The following MAML3 variants were observed in gnomAD, a reference collection of about 807,000 sequenced individuals.
MAML3 encodes the protein mastermind like transcriptional coactivator 3.
Under a neutral mutation model 101.9 loss-of-function variants are expected in MAML3, and 27 were observed. The observed-to-expected ratio is 0.27, with a 90% CI of 0.20 to 0.37. MAML3 has a LOEUF of 0.37. Ranked by LOEUF, MAML3 falls within the 10% of genes least tolerant of loss-of-function variation. MAML3 has a pLI of 1.00. For synonymous variants in MAML3, 501 were observed against 555.9 expected, an observed-to-expected ratio of 0.90 and a Z score of 1.39; for missense variants, 1,316 against 1,444.9, an observed-to-expected ratio of 0.91 and a Z score of 1.45.
At chr4:140,095,870 G>A (rs1728151176) in intron 1 of MAML3, among the ~76,000 whole-genome samples, 1 of 152,096 alleles carries the variant, frequency 6.6e-6, no homozygotes, top group African/African-American at 2.4e-5. Context: ...TTTGTTCACG[G>A]ACTCCCCACC....
chr4:139,811,271 A>G (rs1332075009), intron 2 of MAML3, among the ~76,000 whole-genome samples: 2 of 152,232 alleles, frequency 1.3e-5, no homozygotes, highest in African/African-American at 4.8e-5. Context: ...CCTAAATTTA[A>G]TTTACTAAGG....
intron 1 of MAML3, among the ~76,000 whole-genome samples, chr4:139,911,812 T>C (rs1732930709): frequency 6.6e-6 from 1 of 152,220 alleles, no homozygotes; most frequent in African/African-American, 2.4e-5. Context: ...CAGACAAGAA[T>C]GTGCTGGCAC....
chr4:139,782,911 G>A lies in MAML3; in HGVS notation c.2080-52244C>T, dbSNP rs548513687. On this transcript the variant is annotated intron_variant, in intron 2 of 4. Coordinates refer to ENST00000509479, the MANE Select transcript of MAML3 (RefSeq NM_018717.5). ...CAGATGGAGATTTGCAACATTCAAA[G>A]TAGAGCCTTACAATTGTATTTGCTG... Among the ~76,000 whole-genome samples, 250 of 152,272 alleles carry A rather than the reference G, an allele frequency of 1.6e-3. 2 individuals are homozygous for A. The highest frequency in any genetic ancestry group is 5.7e-3 in the African/African-American group (236 of 41,548).
chr4:140,047,926 T>C (rs1438733316), intron 1 of MAML3, among the ~76,000 whole-genome samples: 5 of 152,278 alleles, frequency 3.3e-5, no homozygotes, highest in Non-Finnish European at 7.4e-5. Flanking sequence ...AAGAAAAAGA[T>C]AGGCTCTTCA....
chr4:140,064,628 C>T (rs1016811053), intron 1 of MAML3, among the ~76,000 whole-genome samples: 1 of 152,184 alleles, frequency 6.6e-6, no homozygotes, highest in African/African-American at 2.4e-5. Context: ...CAATAAGGAA[C>T]AAAACTTGAG....
rs565639908 is a variant in MAML3 at position 139,867,067 on chromosome 4, T to C, written c.2079+22290A>G. ...AATGAAATAAAATGTGTTCTTGAAA[T>C]GTGCTAAATAAAGTCAGTTTTTGTA... On this transcript the variant is annotated intron_variant, in intron 2 of 4. Coordinates refer to ENST00000509479, the MANE Select transcript of MAML3 (RefSeq NM_018717.5). Among the ~76,000 whole-genome samples, 26 of 152,338 alleles carry C rather than the reference T, an allele frequency of 1.7e-4. No individual in the cohort carries two copies. In the South Asian group the frequency reaches 5.2e-3, roughly 30 times the overall value.
chr4:140,153,247 G>A lies in MAML3; in HGVS notation c.81C>T (p.Gly27=). The change falls in exon 1 of 5, where the codon GGC becomes GGT. Residue 27 remains glycine (G), a synonymous_variant. Coordinates refer to ENST00000509479, the MANE Select transcript of MAML3 (RefSeq NM_018717.5). ...CINSSLNSSL[G]GAGIGVNNTP... is the part of the protein sequence containing the mutation. ...TATTATTCACACCGATCCCGGCCCC[G>A]CCGAGGCTGCTGTTCAGGCTACTGT... 1.2e-6 allele frequency: 2 copies of A among 1,601,870 alleles called. No individual in the cohort carries two copies. Among genetic ancestry groups the A allele is most frequent in the African/African-American group, 1.3e-5 (1 of 74,856 alleles).
chr4:139,861,905 G>A (rs2111166197), intron 2 of MAML3, among the ~76,000 whole-genome samples: 1 of 152,238 alleles, frequency 6.6e-6, no homozygotes, highest in East Asian at 1.9e-4. Flanking sequence ...ATCGCCTGGG[G>A]AGCCTTGAAA....
chr4:139,763,666 G>A (rs967367732), intron 2 of MAML3, among the ~76,000 whole-genome samples: 27 of 152,200 alleles, frequency 1.8e-4, no homozygotes, highest in African/African-American at 6.3e-4. Context: ...ATCCTGGACT[G>A]AGAGGGTATA....
intron 1 of MAML3, among the ~76,000 whole-genome samples, chr4:140,112,659 C>T (rs1188125892): frequency 6.6e-6 from 1 of 152,234 alleles, no homozygotes; most frequent in Non-Finnish European, 1.5e-5. Flanking sequence ...CAAGGGCCAG[C>T]ACACCAGCCA....
At chr4:139,918,159 C>G (rs1165909266) in intron 1 of MAML3, among the ~76,000 whole-genome samples, 1 of 152,128 alleles carries the variant, frequency 6.6e-6, no homozygotes, top group Non-Finnish European at 1.5e-5. Flanking sequence ...CCCATCTTAC[C>G]CTTTCCAGTC....
In MAML3 at chr4:139,719,579, C is replaced by A. The variant is rs746046014; in HGVS notation, c.3161G>T (p.Gly1054Val). ...RPMVMSGLSQ[G>V]VPGMPAFSQP... ...GCTGAACGCTGGCATGCCTGGGACTCCCTGGCTCAGGCCAGACATGACCAT... is the reference window on the plus strand; with the variant it reads ...GCTGAACGCTGGCATGCCTGGGACTACCTGGCTCAGGCCAGACATGACCAT... Residue 1054 changes from glycine to valine, a missense_variant, in exon 5 of 5, where the codon GGA becomes GTA. Physicochemically the swap from Gly to Val is moderately radical, Grantham distance 109. Transcript: ENST00000509479. 2 of 1,613,354 alleles carry A rather than the reference C, an allele frequency of 1.2e-6. No individual in the cohort carries two copies. Among genetic ancestry groups the A allele is most frequent in the Non-Finnish European group, 1.7e-6 (2 of 1,179,712 alleles).
chr4:139,719,488 A>G lies in MAML3; in HGVS notation c.3252T>C (p.Tyr1084=). 6.2e-7 allele frequency: 1 copy of G among 1,614,022 alleles called. No homozygotes were observed. The highest frequency in any genetic ancestry group is 1.1e-5 in the South Asian group (1 of 91,084). ...ACACGTCCTGAGGGGCATTCCGCTC[A>G]TAGGCTTGGCTCTGGCTGCTTGGAG... ...SFAPSSQSQA[Y]ERNAPQDVSY... is the part of the protein sequence containing the mutation. The change falls in exon 5 of 5, where the codon TAT becomes TAC. Residue 1084 remains tyrosine, a synonymous_variant. Coordinates refer to ENST00000509479, the MANE Select transcript of MAML3 (RefSeq NM_018717.5).
chr4:140,001,132 T>C (rs990681129), intron 1 of MAML3, among the ~76,000 whole-genome samples: 4 of 152,216 alleles, frequency 2.6e-5, no homozygotes, highest in Non-Finnish European at 4.4e-5. Context: ...AAACATAGAT[T>C]GATTTTGCTG....
At position 139,821,226 on chromosome 4, in the gene MAML3, A is replaced by G. The variant is rs1444890138; in HGVS notation, c.2079+68131T>C. On this transcript the variant is annotated intron_variant, in intron 2 of 4. Transcript: ENST00000509479. ...CATATGTATTAGGCCAGGGGTCCCC[A>G]ATCCCCGGATCATGGACTGCTACCA... 2.6e-5 allele frequency among the ~76,000 whole-genome samples: 4 copies of G among 152,192 alleles called. No homozygotes were observed. In the East Asian group the frequency reaches 7.7e-4, roughly 29 times the overall value.
intron 2 of MAML3, among the ~76,000 whole-genome samples, chr4:139,860,572 G>A (rs1011303692): frequency 2.0e-5 from 3 of 152,162 alleles, no homozygotes; most frequent in African/African-American, 2.4e-5. Flanking sequence ...CTCAGGAAAG[G>A]CGGGCTTTGT....
chr4:139,825,105 T>C (rs1284553150), intron 2 of MAML3, among the ~76,000 whole-genome samples: 1 of 151,782 alleles, frequency 6.6e-6, no homozygotes, highest in African/African-American at 2.4e-5. Flanking sequence ...ATGAAGCCTA[T>C]CTAGACGGGA....
intron 2 of MAML3, among the ~76,000 whole-genome samples, chr4:139,748,053 TAAAAA>T (rs34801574): frequency 3.1e-5 from 3 of 95,536 alleles, no homozygotes; most frequent in Admixed American, 1.1e-4. Flanking sequence ...AGACTTCGTC[TAAAAA>T]AAAAAAAAAA....
At chr4:139,741,811 A>G (rs1349058397) in intron 2 of MAML3, among the ~76,000 whole-genome samples, 1 of 152,154 alleles carries the variant, frequency 6.6e-6, no homozygotes, top group Non-Finnish European at 1.5e-5. Context: ...AACATTCTTT[A>G]TATGTCCTGT....
Sources: allele counts gnomAD v4.1 joint callset (sites outside exome capture counted in the v4.1 genomes callset), GRCh38; gene constraint gnomAD v4.1.1; transcripts MANE v1.5; gene names NCBI Gene and HGNC (gene_info 2026-07-23, HGNC 2026-07-21).